XKR6: variants seen among roughly 807,000 people sequenced by gnomAD.
XKR6 encodes the protein XK related 6, also known as XK-related protein 6.
XKR6 carries 22 observed loss-of-function variants against 56.7 expected under a neutral mutation model. That is an observed-to-expected ratio of 0.39 (90% CI 0.28 to 0.55). XKR6 has a LOEUF of 0.55. Ranked by LOEUF, XKR6 falls within the 20% of genes least tolerant of loss-of-function variation. The pLI is 0.66. For synonymous variants in XKR6, 524 were observed against 387.8 expected, an observed-to-expected ratio of 1.35 and a Z score of -4.13; for missense variants, 852 against 889.0, an observed-to-expected ratio of 0.96 and a Z score of 0.53.
intron 1 of XKR6, among the ~76,000 whole-genome samples, chr8:10,947,507 C>A (rs1801588735): frequency 6.6e-6 from 1 of 152,056 alleles, no homozygotes; most frequent in Non-Finnish European, 1.5e-5. Context: ...AACACCATTG[C>A]TTAGCTTCCA....
chr8:11,016,728 G>A (rs1467979833), intron 1 of XKR6, among the ~76,000 whole-genome samples: 1 of 152,182 alleles, frequency 6.6e-6, no homozygotes. Flanking sequence ...GGAGCGTCCT[G>A]GCCTGCGCTT....
intron 2 of XKR6, among the ~76,000 whole-genome samples, chr8:10,917,762 T>C (rs1192280439): frequency 6.6e-6 from 1 of 152,224 alleles, no homozygotes; most frequent in East Asian, 1.9e-4. Flanking sequence ...ATTGGAAATG[T>C]AGGGCACTGA....
intron 2 of XKR6, among the ~76,000 whole-genome samples, chr8:10,911,199 C>CATGTGTGTGTATGT (rs1284455130): frequency 1.6e-5 from 2 of 126,286 alleles, no homozygotes; most frequent in Admixed American, 8.1e-5. Flanking sequence ...AGAGGGTGTG[C>CATGTGTGTGTATGT]GTGTGTGTGT....
At chr8:10,956,747 C>T (rs1053840669) in intron 1 of XKR6, among the ~76,000 whole-genome samples, 1 of 152,182 alleles carries the variant, frequency 6.6e-6, no homozygotes, top group Non-Finnish European at 1.5e-5. Context: ...TGACCGGCTG[C>T]CCCTTTGCAC....
intron 2 of XKR6, among the ~76,000 whole-genome samples, chr8:10,899,896 A>C (rs1271358100): frequency 6.6e-6 from 1 of 152,192 alleles, no homozygotes; most frequent in African/African-American, 2.4e-5. Flanking sequence ...AAACCAAATG[A>C]AACACAATCC....
intron 1 of XKR6, among the ~76,000 whole-genome samples, chr8:11,059,381 C>T (rs974030180): frequency 6.6e-6 from 1 of 152,228 alleles, no homozygotes; most frequent in East Asian, 1.9e-4. Context: ...CAGCCCCCAG[C>T]GAACTGGAGC....
chr8:10,961,182 C>A (rs557004568), intron 1 of XKR6, among the ~76,000 whole-genome samples: 1 of 152,118 alleles, frequency 6.6e-6, no homozygotes, highest in African/African-American at 2.4e-5. Flanking sequence ...TTTCTAAGTA[C>A]AAAGGGAAGC....
chr8:11,164,880 A>C (rs576235022), intron 1 of XKR6, among the ~76,000 whole-genome samples: 1 of 152,316 alleles, frequency 6.6e-6, no homozygotes, highest in South Asian at 2.1e-4. Context: ...ATGGCACTAA[A>C]GCTTTGCTTA....
intron 1 of XKR6, among the ~76,000 whole-genome samples, chr8:11,130,766 C>T (rs1800066640): frequency 6.6e-6 from 1 of 152,066 alleles, no homozygotes. Context: ...ACAGATGCCA[C>T]ACAGGGGGCC....
chr8:11,159,821 A>G (rs1035977207), intron 1 of XKR6, among the ~76,000 whole-genome samples: 2 of 152,216 alleles, frequency 1.3e-5, no homozygotes, highest in African/African-American at 4.8e-5. Context: ...TACTCTTAAA[A>G]ATGAACACAA....
intron 1 of XKR6, chr8:11,123,804 C>T (rs1180563132): frequency 2.2e-5 from 10 of 454,994 alleles, no homozygotes; most frequent in Non-Finnish European, 4.4e-5. Context: ...AGTGTAATGC[C>T]AGACACTATT....
At chr8:11,120,204 G>T (rs1799379214) in intron 1 of XKR6, among the ~76,000 whole-genome samples, 1 of 152,156 alleles carries the variant, frequency 6.6e-6, no homozygotes, top group African/African-American at 2.4e-5. Context: ...GGCAGCAGAA[G>T]GAAATAAAGG....
Position 11,104,876 on chromosome 8 carries a change from G to A in XKR6, c.764+95700C>T, listed in dbSNP as rs373002241. On this transcript the variant is annotated intron_variant, in intron 1 of 2. Transcript: ENST00000416569. ...TGCAGTGGATCTTTGCGTTATGTGA[G>A]GTTTCAGTGCTTTTTCACATATAAC... is the stretch of plus-strand genomic sequence containing the variant. The A allele has an allele frequency of 5.5e-4, 83 of 152,262 alleles. 1 individual carries two copies. Among genetic ancestry groups the A allele is most frequent in the African/African-American group, 1.8e-3 (75 of 41,542 alleles). 9.4% of individuals were successfully genotyped at this position (152,262 alleles called of 1,614,324 possible).
rs1056739950 is a variant in XKR6 at position 10,965,349 on chromosome 8, G to C, written c.765-40519C>G. On this transcript the variant is annotated intron_variant, in intron 1 of 2. Coordinates refer to ENST00000416569, the MANE Select transcript of XKR6 (RefSeq NM_173683.4). ...GGGAGCAACGGTGGAAGGCTCCTCC[G>C]AGCACCACGGTCCCCCAGGGATCTG... 5.9e-5 allele frequency among the ~76,000 whole-genome samples: 9 copies of C among 152,184 alleles called. 1 individual carries two copies. The highest frequency in any genetic ancestry group is 2.4e-5 in the African/African-American group (1 of 41,446).
intron 1 of XKR6, among the ~76,000 whole-genome samples, chr8:10,943,431 G>C (rs578257211): frequency 6.6e-6 from 1 of 152,200 alleles, no homozygotes; most frequent in South Asian, 2.1e-4. Flanking sequence ...CCCCACACCT[G>C]CTCCTGCCCT....
At chr8:10,928,345 TTCC>T (rs1800957421) in intron 1 of XKR6, among the ~76,000 whole-genome samples, 1 of 152,220 alleles carries the variant, frequency 6.6e-6, no homozygotes, top group Non-Finnish European at 1.5e-5. Context: ...TCTAGGATTC[TTCC>T]TCCTCCTAGC....
At chr8:11,082,961 C>G (rs954960222) in intron 1 of XKR6, among the ~76,000 whole-genome samples, 2 of 152,154 alleles carry the variant, frequency 1.3e-5, no homozygotes, top group Admixed American at 6.5e-5. Context: ...CCAGGTAGCC[C>G]TAGGCAGGGC....
intron 1 of XKR6, among the ~76,000 whole-genome samples, chr8:11,038,462 C>T (rs964385903): frequency 1.3e-5 from 2 of 150,486 alleles, no homozygotes; most frequent in Non-Finnish European, 3.0e-5. Flanking sequence ...GGGAAGAGTA[C>T]ACTTCATGGA....
rs140716188 is a variant in XKR6, at chr8:11,093,947, C to G, written c.764+106629G>C. On this transcript the variant is annotated intron_variant, in intron 1 of 2. Transcript: ENST00000416569. ...TACAGGTGTCCGCCACCACGCCAGA[C>G]TAATTTTTTGTATTTTTAGTAGAGA... Among the ~76,000 whole-genome samples the G allele has an allele frequency of 3.3e-4, 50 of 152,060 alleles. No homozygotes were observed. The East Asian group carries it at 7.0e-3, about 21-fold the overall frequency.
Sources: gnomAD v4.1 joint callset for allele counts (sites outside exome capture counted in the v4.1 genomes callset) on GRCh38, gnomAD v4.1.1 for gene constraint, MANE v1.5 for transcripts, NCBI Gene and HGNC (gene_info 2026-07-23, HGNC 2026-07-21) for gene names.